The following ME2 variants were observed in gnomAD, a reference collection of about 807,000 sequenced individuals.
ME2 encodes malic enzyme 2, also known as NAD-dependent malic enzyme, mitochondrial.
In ME2, 60 loss-of-function variants were observed where a neutral mutation model predicts 73.7. The ratio of observed to expected loss-of-function variants is 0.81; its 90% CI spans 0.66 to 1.01. ME2 has a LOEUF of 1.01. Ranked by LOEUF, ME2 falls within the 50% of genes least tolerant of loss-of-function variation. The pLI, the probability that ME2 is intolerant of heterozygous loss-of-function variation, is 0.00. For missense variants in ME2, 594 were observed against 705.5 expected (o/e 0.84, Z 1.79); for synonymous variants, 199 against 236.9 (o/e 0.84, Z 1.47).
At chr18:50,919,451 C>T (rs1417677090) in intron 7 of ME2, among the ~76,000 whole-genome samples, 2 of 152,110 alleles carry the variant, frequency 1.3e-5, no homozygotes, top group Admixed American at 1.3e-4. Context: ...TGCCATCTCT[C>T]CTTCTTCCTC....
intron 2 of ME2, among the ~76,000 whole-genome samples, chr18:50,907,283 T>C (rs1312146156): frequency 6.6e-6 from 1 of 152,200 alleles, no homozygotes; most frequent in Admixed American, 6.5e-5. Context: ...TTCATAGTAA[T>C]TGTGAGGTGT....
At chr18:50,913,273 T>A in intron 4 of ME2, 1 of 178,802 alleles carries the variant, frequency 5.6e-6, no homozygotes, top group African/African-American at 2.4e-5. Context: ...ATCATTAAAA[T>A]TTTTGTCAAT....
intron 3 of ME2, among the ~76,000 whole-genome samples, chr18:50,910,464 G>T (rs1917128592): frequency 6.7e-6 from 1 of 149,542 alleles, no homozygotes; most frequent in Non-Finnish European, 1.5e-5. Context: ...AAAAGAAAAA[G>T]GCTAAACAAG....
chr18:50,904,710 G>A (rs530422585), intron 2 of ME2, among the ~76,000 whole-genome samples: 3 of 152,188 alleles, frequency 2.0e-5, no homozygotes, highest in Non-Finnish European at 2.9e-5. Flanking sequence ...GAGCCACTGC[G>A]CCTGGCCGAC....
At chr18:50,910,408 C>T (rs981801601) in intron 3 of ME2, among the ~76,000 whole-genome samples, 1 of 148,688 alleles carries the variant, frequency 6.7e-6, no homozygotes, top group Non-Finnish European at 1.5e-5. Context: ...CACTGCACTC[C>T]AGCCTGGGTG....
rs1191262733 is a variant in ME2, at chr18:50,947,320, T to G, written c.*136T>G. On this transcript the variant is annotated 3_prime_UTR_variant, in exon 16 of 16. Coordinates refer to ENST00000321341, the MANE Select transcript of ME2 (RefSeq NM_002396.5). ...CACTTTGGTTGATGTATTTTTTCCA[T>G]GCGTCTCCACATCTGTTGGGGTAGA... is the stretch of plus-strand genomic sequence containing the variant. 1 of 795,532 alleles carries G rather than the reference T, an allele frequency of 1.3e-6. No individual in the cohort carries two copies. The highest frequency in any genetic ancestry group is 1.7e-5 in the African/African-American group (1 of 57,624). 49.3% of individuals were successfully genotyped at this position (795,532 alleles called of 1,614,324 possible).
intron 5 of ME2, 52 bp from the exon 6 acceptor site, chr18:50,917,292 TTTC>T: frequency 2.1e-6 from 3 of 1,435,798 alleles, no homozygotes; most frequent in Non-Finnish European, 2.9e-6. Flanking sequence ...AAAAAATGCT[TTTC>T]TTTAGTGCCC....
At chr18:50,921,606 T>C (rs1917431254) in intron 10 of ME2, among the ~76,000 whole-genome samples, 1 of 152,190 alleles carries the variant, frequency 6.6e-6, no homozygotes, top group Non-Finnish European at 1.5e-5. Context: ...AGATGAAGTC[T>C]CTCTCTGTCA....
At chr18:50,910,355 C>A (rs557222219) in intron 3 of ME2, among the ~76,000 whole-genome samples, 33 of 139,502 alleles carry the variant, frequency 2.4e-4, no homozygotes, top group Middle Eastern at 4.1e-3. Context: ...AGGAGGATAA[C>A]TTAAGCCCAG....
At chr18:50,894,892 A>AT (rs1415054567) in intron 1 of ME2, among the ~76,000 whole-genome samples, 18 of 150,532 alleles carry the variant, frequency 1.2e-4, no homozygotes, top group African/African-American at 2.0e-4. Context: ...AAAAAAAAAA[A>AT]TTTTTTTGAA....
intron 1 of ME2, among the ~76,000 whole-genome samples, chr18:50,882,244 C>G (rs2144173307): frequency 6.6e-6 from 1 of 152,252 alleles, no homozygotes; most frequent in East Asian, 1.9e-4. Flanking sequence ...AGCAACCCAC[C>G]CACCTTGGCC....
chr18:50,926,412 T>C (rs1482718451), intron 12 of ME2, among the ~76,000 whole-genome samples: 1 of 152,210 alleles, frequency 6.6e-6, no homozygotes, highest in Non-Finnish European at 1.5e-5. Context: ...TTTCTGACTT[T>C]TGTTTTCTTT....
At chr18:50,914,562 T>C (rs1413632706) in intron 4 of ME2, among the ~76,000 whole-genome samples, 1 of 152,228 alleles carries the variant, frequency 6.6e-6, no homozygotes, top group Non-Finnish European at 1.5e-5. Flanking sequence ...TTTGTTTTTG[T>C]AGATGGTCAT....
intron 15 of ME2, among the ~76,000 whole-genome samples, chr18:50,946,347 T>C (rs573937148): frequency 6.6e-6 from 1 of 152,146 alleles, no homozygotes; most frequent in Non-Finnish European, 1.5e-5. Flanking sequence ...GGGTCTAATA[T>C]CTAGACTCAG....
At chr18:50,887,792 A>T (rs1334143057) in intron 1 of ME2, among the ~76,000 whole-genome samples, 1 of 152,222 alleles carries the variant, frequency 6.6e-6, no homozygotes, top group African/African-American at 2.4e-5. Flanking sequence ...CAAAGATTGC[A>T]AAGTGAGCTT....
At position 50,900,562 on chromosome 18, in the gene ME2, G is replaced by A. The variant is rs551619760; in HGVS notation, c.108+4634G>A. ...CTCCCAAAGTGCTGGGATTACAGGCGTGAGCCACTACGCCCAGCCAAGAAC... is the reference window on the plus strand; with the variant it reads ...CTCCCAAAGTGCTGGGATTACAGGCATGAGCCACTACGCCCAGCCAAGAAC... On this transcript the variant is annotated intron_variant, in intron 2 of 15. Transcript: ENST00000321341. 2.0e-5 allele frequency among the ~76,000 whole-genome samples: 3 copies of A among 152,214 alleles called. No individual in the cohort carries two copies. The South Asian group carries it at 6.2e-4, about 32-fold the overall frequency.
chr18:50,898,602 T>C (rs192254148), intron 2 of ME2, among the ~76,000 whole-genome samples: 22 of 152,232 alleles, frequency 1.4e-4, no homozygotes, highest in Admixed American at 1.0e-3. Flanking sequence ...TGGCTACTTT[T>C]TGTATTTTTT....
chr18:50,925,606 A>G, intron 11 of ME2, 150 bp from the exon 12 acceptor site: 1 of 616,914 alleles, frequency 1.6e-6, no homozygotes, highest in Non-Finnish European at 2.8e-6. Flanking sequence ...TTGTGTTCTC[A>G]TAGATTTTGC....
rs151201307 is a variant in ME2 at position 50,925,858 on chromosome 18, A to G, written c.1274A>G (p.Gln425Arg). Residue 425 changes from glutamine (Q) to arginine (R), a missense_variant, in exon 12 of 16, where the codon CAG (glutamine) becomes CGG (arginine). Transcript: ENST00000321341. ...VIFALSNPTAQAECTAEEAYT... is the reference protein window; with the variant it reads ...VIFALSNPTARAECTAEEAYT... ...TTTGCATTAAGTAATCCTACAGCACAGGCAGAGTGCACGGCTGAAGAAGCA... is the reference window on the plus strand; with the variant it reads ...TTTGCATTAAGTAATCCTACAGCACGGGCAGAGTGCACGGCTGAAGAAGCA... The G allele has an allele frequency of 3.8e-5, 62 of 1,611,184 alleles. No homozygotes were observed. The African/African-American group carries it at 7.3e-4, about 19-fold the overall frequency.
Sources: allele counts gnomAD v4.1 joint callset (sites outside exome capture counted in the v4.1 genomes callset), GRCh38; gene constraint gnomAD v4.1.1; transcripts MANE v1.5; gene names NCBI Gene and HGNC (gene_info 2026-07-23, HGNC 2026-07-21).